The following XRCC4 variants were observed in gnomAD, a reference collection of about 807,000 sequenced individuals.
XRCC4 encodes X-ray repair cross complementing 4, also known as DNA repair protein XRCC4.
Under a neutral mutation model 39.1 loss-of-function variants are expected in XRCC4, and 28 were observed. The observed-to-expected ratio is 0.72, with a 90% CI of 0.53 to 0.98. The LOEUF is 0.98. XRCC4 is among the 50% of genes least tolerant of loss of function. XRCC4 has a pLI of 0.00. For synonymous variants in XRCC4, 123 were observed against 126.4 expected (o/e 0.97, Z 0.18); for missense variants, 350 against 376.4 (o/e 0.93, Z 0.58).
chr5:83,081,410 C>G (rs999294323), intron 1 of XRCC4, among the ~76,000 whole-genome samples: 3 of 152,002 alleles, frequency 2.0e-5, no homozygotes, highest in African/African-American at 7.2e-5. Context: ...TTTTTCTCCC[C>G]CCTTGTTTTT....
intron 3 of XRCC4, among the ~76,000 whole-genome samples, chr5:83,129,091 G>T (rs1747422817): frequency 6.6e-6 from 1 of 151,926 alleles, no homozygotes; most frequent in African/African-American, 2.4e-5. Flanking sequence ...TTTTCTTCTA[G>T]GGTTTTTATG....
rs866119270 is a variant in XRCC4, at chr5:83,187,129, G to T, written c.316-8641G>T. Reference sequence around the variant, plus strand: ...CGGCTAATTTTTTGTATTTTTAGTAGAGGCGGGGTTTCACCGCGTTAGCCA... The same window carrying T: ...CGGCTAATTTTTTGTATTTTTAGTATAGGCGGGGTTTCACCGCGTTAGCCA... On this transcript the variant is annotated intron_variant, in intron 3 of 7. Coordinates refer to ENST00000396027, the MANE Select transcript of XRCC4 (RefSeq NM_003401.5). Among the ~76,000 whole-genome samples the T allele has an allele frequency of 2.5e-4, 27 of 106,848 alleles. 10 individuals are homozygous for T. The highest frequency in any genetic ancestry group is 4.1e-4 in the Admixed American group (5 of 12,180). The allele number at this position is 106,848 out of a possible 152,430, so 70.1% of individuals were successfully genotyped here.
chr5:83,149,105 G>A (rs1748592105), intron 3 of XRCC4, among the ~76,000 whole-genome samples: 1 of 152,064 alleles, frequency 6.6e-6, no homozygotes. Context: ...TAATTGACAT[G>A]GTAATATGAC....
chr5:83,193,105 A>G (rs966397289), intron 3 of XRCC4, among the ~76,000 whole-genome samples: 1 of 152,256 alleles, frequency 6.6e-6, no homozygotes, highest in African/African-American at 2.4e-5. Flanking sequence ...ATACTTCTCA[A>G]CTCATTAAGC....
At chr5:83,264,731 C>CT (rs145779634) in intron 7 of XRCC4, among the ~76,000 whole-genome samples, 8,587 of 151,610 alleles carry the variant, frequency 0.057, 893 homozygotes, top group East Asian at 0.48. Flanking sequence ...TAACCCACAA[C>CT]TTTTTTTTTC....
chr5:83,103,676 TA>T (rs1320365395), intron 1 of XRCC4, among the ~76,000 whole-genome samples: 1 of 152,182 alleles, frequency 6.6e-6, no homozygotes, highest in Non-Finnish European at 1.5e-5. Context: ...GTGGAATGGA[TA>T]AATAACCTGT....
intron 3 of XRCC4, among the ~76,000 whole-genome samples, chr5:83,116,703 C>T (rs1255439518): frequency 4.1e-5 from 6 of 145,858 alleles, no homozygotes; most frequent in Non-Finnish European, 8.9e-5. Context: ...CTCACTGCAA[C>T]CTCTGCCTCC....
At chr5:83,225,930 T>C (rs1752271177) in intron 6 of XRCC4, among the ~76,000 whole-genome samples, 1 of 152,068 alleles carries the variant, frequency 6.6e-6, no homozygotes, top group South Asian at 2.1e-4. Flanking sequence ...CTTATATGCC[T>C]CTGCTCTCAG....
intron 6 of XRCC4, among the ~76,000 whole-genome samples, chr5:83,247,410 A>G (rs1008945712): frequency 1.3e-5 from 2 of 152,176 alleles, no homozygotes; most frequent in African/African-American, 2.4e-5. Flanking sequence ...CTGTCAGATC[A>G]GTGGCAAAAT....
chr5:83,102,899 C>T (rs868692950), intron 1 of XRCC4, among the ~76,000 whole-genome samples: 20 of 151,348 alleles, frequency 1.3e-4, no homozygotes, highest in African/African-American at 4.1e-4. Context: ...AGTCCTTGCA[C>T]CACCACTTAG....
chr5:83,080,456 G>A (rs1744883602), intron 1 of XRCC4, among the ~76,000 whole-genome samples: 1 of 151,766 alleles, frequency 6.6e-6, no homozygotes, highest in African/African-American at 2.4e-5. Context: ...AACCCGGGAG[G>A]TGGAGGCTGC....
chr5:83,176,184 T>C (rs1025346836), intron 3 of XRCC4, among the ~76,000 whole-genome samples: 2 of 152,244 alleles, frequency 1.3e-5, no homozygotes, highest in African/African-American at 4.8e-5. Flanking sequence ...TTATGGTTGT[T>C]ACTTAGACAT....
At chr5:83,285,722 T>C (rs1350151229) in intron 7 of XRCC4, among the ~76,000 whole-genome samples, 2 of 152,120 alleles carry the variant, frequency 1.3e-5, no homozygotes, top group Non-Finnish European at 2.9e-5. Flanking sequence ...TTTGTTTCAT[T>C]GACAATAGCA....
At chr5:83,148,046 C>T (rs1416305997) in intron 3 of XRCC4, among the ~76,000 whole-genome samples, 1 of 152,086 alleles carries the variant, frequency 6.6e-6, no homozygotes, top group East Asian at 1.9e-4. Context: ...CCTCGGCCTC[C>T]CAAAGTGCTG....
At chr5:83,343,965 C>T (rs541878469) in intron 7 of XRCC4, among the ~76,000 whole-genome samples, 3 of 152,282 alleles carry the variant, frequency 2.0e-5, no homozygotes, top group Admixed American at 2.0e-4. Context: ...ACCTTCTCCT[C>T]TTCCATGTCA....
intron 6 of XRCC4, among the ~76,000 whole-genome samples, chr5:83,240,714 T>C (rs1230242791): frequency 6.6e-6 from 1 of 152,036 alleles, no homozygotes; most frequent in African/African-American, 2.4e-5. Context: ...ACAAGATAGC[T>C]GAAATGGTGA....
chr5:83,119,158 C>G lies in XRCC4; in HGVS notation c.315+7955C>G, dbSNP rs555598979. Among the ~76,000 whole-genome samples the G allele has an allele frequency of 2.4e-4, 37 of 152,226 alleles. 1 individual carries two copies. The highest frequency in any genetic ancestry group is 3.4e-3 in the Middle Eastern group (1 of 294). ...AAAATCCTATATTATTGCCATGTGT[C>G]CCTGTGGTTTCAGGGACTCTGAATT... is the stretch of plus-strand genomic sequence containing the variant. On this transcript the variant is annotated intron_variant, in intron 3 of 7. Coordinates refer to ENST00000396027, the MANE Select transcript of XRCC4 (RefSeq NM_003401.5).
Position 83,184,705 on chromosome 5 carries a change from G to C in XRCC4, c.316-11065G>C, listed in dbSNP as rs1252472870. Among the ~76,000 whole-genome samples, 5 of 152,088 alleles carry C rather than the reference G, an allele frequency of 3.3e-5. No individual in the cohort carries two copies. The East Asian group carries it at 9.7e-4, about 29-fold the overall frequency. On this transcript the variant is annotated intron_variant, in intron 3 of 7. Coordinates refer to ENST00000396027, the MANE Select transcript of XRCC4 (RefSeq NM_003401.5). ...GTATTTGCTTACTCACTGTTTCTAT[G>C]AGCAACAGAATCTACGCAACAGCAA...
the XRCC4 span, among the ~76,000 whole-genome samples, chr5:83,369,538 A>G: frequency 6.6e-6 from 1 of 152,156 alleles, no homozygotes; most frequent in Non-Finnish European, 1.5e-5. Flanking sequence ...GCTTAGGATA[A>G]TGGCCTCCAG....
Sources: gnomAD v4.1 joint callset for allele counts (sites outside exome capture counted in the v4.1 genomes callset) on GRCh38, gnomAD v4.1.1 for gene constraint, MANE v1.5 for transcripts, NCBI Gene and HGNC (gene_info 2026-07-23, HGNC 2026-07-21) for gene names.